Variants in TMEM242 observed in about 807,000 individuals in gnomAD.
TMEM242 encodes the protein transmembrane protein 242.
In TMEM242, 10 loss-of-function variants were observed where a neutral mutation model predicts 18.2. The observed-to-expected ratio is 0.55, with a 90% CI of 0.34 to 0.93. TMEM242 has a LOEUF of 0.93. Ranked by LOEUF, TMEM242 falls within the 40% of genes least tolerant of loss-of-function variation. The probability of loss-of-function intolerance (pLI) is 0.02; values close to 1 mark genes in which losing one functional copy is unlikely to be tolerated. For synonymous variants in TMEM242, 57 were observed against 69.9 expected (o/e 0.81, Z 0.92); for missense variants, 186 against 175.5 (o/e 1.06, Z -0.34).
At chr6:157,323,014 G>A (rs1778520163) in intron 1 of TMEM242, among the ~76,000 whole-genome samples, 1 of 152,126 alleles carries the variant, frequency 6.6e-6, no homozygotes. Flanking sequence ...CTGGTTCCTT[G>A]GGTCATTCCG....
Position 157,312,570 on chromosome 6 carries a change from G to T in TMEM242, c.327+6212C>A, listed in dbSNP as rs1272197372. Among the ~76,000 whole-genome samples the T allele has an allele frequency of 7.3e-3, 64 of 8,716 alleles. 2 individuals are homozygous for T. Among genetic ancestry groups the T allele is most frequent in the African/African-American group, 0.022 (58 of 2,590 alleles). The allele number at this position is 8,716 out of a possible 152,430, so 5.7% of individuals were successfully genotyped here. A position where few individuals can be genotyped will look rare whatever the true frequency, so the allele number is the denominator to read the frequency against. ...GCCTCATCATAGTGCCCCAGTGTACGCTCACCCGGCCTCATCATAGTGCCG... is the reference window on the plus strand; with the variant it reads ...GCCTCATCATAGTGCCCCAGTGTACTCTCACCCGGCCTCATCATAGTGCCG... On this transcript the variant is annotated intron_variant, in intron 3 of 3. Coordinates refer to ENST00000400788, the MANE Select transcript of TMEM242 (RefSeq NM_018452.6).
At chr6:157,312,467 C>T (rs1778189658) in intron 3 of TMEM242, among the ~76,000 whole-genome samples, 3 of 107,824 alleles carry the variant, frequency 2.8e-5, no homozygotes, top group African/African-American at 7.2e-5. Context: ...CCCCAGCGTG[C>T]ACTCACCTAG....
At chr6:157,314,690 T>C (rs782327750) in intron 3 of TMEM242, among the ~76,000 whole-genome samples, 9 of 152,228 alleles carry the variant, frequency 5.9e-5, no homozygotes, top group Non-Finnish European at 8.8e-5. Flanking sequence ...TCTGGTTAAA[T>C]GATATAACAG....
chr6:157,314,291 G>A (rs62422775), intron 3 of TMEM242, among the ~76,000 whole-genome samples: 1 of 88,938 alleles, frequency 1.1e-5, no homozygotes, highest in South Asian at 3.4e-4. Context: ...TCATAGTGTC[G>A]CAGTGTGCAC....
intron 3 of TMEM242, among the ~76,000 whole-genome samples, chr6:157,294,956 C>G (rs1230415422): frequency 6.6e-6 from 1 of 152,164 alleles, no homozygotes; most frequent in African/African-American, 2.4e-5. Flanking sequence ...GGATTAAGGA[C>G]TAAGTGAGAT....
chr6:157,299,000 T>G, intron 3 of TMEM242: 1 of 268,482 alleles, frequency 3.7e-6, no homozygotes, highest in South Asian at 5.0e-5. Context: ...TAACCCTATA[T>G]CTATGATCTC....
intron 2 of TMEM242, among the ~76,000 whole-genome samples, chr6:157,321,877 T>C (rs1476496662): frequency 6.6e-6 from 1 of 152,150 alleles, no homozygotes. Flanking sequence ...AAACATTCTA[T>C]AACATAGAGA....
Position 157,322,734 on chromosome 6 carries a change from T to C in TMEM242, c.160A>G (p.Lys54Glu), listed in dbSNP as rs1554250818. ...AGFITTLSLAKKKSPEWFNKG... is the reference protein window; with the variant it reads ...AGFITTLSLAEKKSPEWFNKG... ...TTGAACCATTCAGGGCTTTTCTTTT[T>C]AGCCAATGATAATGTTGTAATAAAT... Residue 54 changes from lysine to glutamate, a missense_variant, in exon 2 of 4, where the codon AAA becomes GAA. Lys to Glu is a moderately conservative substitution (Grantham distance 56). Coordinates refer to ENST00000400788, the MANE Select transcript of TMEM242 (RefSeq NM_018452.6). 2.5e-6 allele frequency: 4 copies of C among 1,613,970 alleles called. No homozygotes were observed. The highest frequency in any genetic ancestry group is 2.7e-5 in the African/African-American group (2 of 75,046).
At chr6:157,323,267 G>C in intron 1 of TMEM242, 145 bp downstream of exon 1, 1 of 905,242 alleles carries the variant, frequency 1.1e-6, no homozygotes, top group Non-Finnish European at 1.7e-6. Context: ...TCCCTGGGCC[G>C]CCAGACTCCG....
intron 3 of TMEM242, among the ~76,000 whole-genome samples, chr6:157,313,891 G>C (rs201591627): frequency 2.0e-5 from 3 of 147,076 alleles, no homozygotes; most frequent in East Asian, 2.1e-4. Context: ...GTGCCCCAGT[G>C]TGCGCTCACC....
chr6:157,304,406 A>C (rs1453978595), intron 3 of TMEM242, among the ~76,000 whole-genome samples: 1 of 131,312 alleles, frequency 7.6e-6, no homozygotes, highest in African/African-American at 2.9e-5. Context: ...CAGAGGTTTC[A>C]GTGAGCCAAG....
Position 157,305,221 on chromosome 6 carries a change from G to A in TMEM242, c.328-12222C>T, listed in dbSNP as rs1184053505. On this transcript the variant is annotated intron_variant, in intron 3 of 3. Coordinates refer to ENST00000400788, the MANE Select transcript of TMEM242 (RefSeq NM_018452.6). This position sits in a 1 kb window ranked among gnomAD's most constrained non-coding sequence, Gnocchi z 4.1. ...AGAGGAATGGATGTGGAGAGATGAA[G>A]GAGGCAGGCGGTGTTCAGCGGCAGA... 6.6e-6 allele frequency among the ~76,000 whole-genome samples: 1 copy of A among 152,140 alleles called. No homozygotes were observed. The highest frequency in any genetic ancestry group is 1.9e-4 in the East Asian group (1 of 5,196).
rs201491283 is a variant in TMEM242 at position 157,323,484 on chromosome 6, C to T, written c.16G>A (p.Ala6Thr). The stretch of plus-strand genomic sequence containing the variant: ...CCAGAGGCCGGCTGCCCAGTTGCAG[C>T]GCCCGCTGTCTCCATGTTTAGGTCG... Reference protein sequence around the residue: METAGAATGQPASGLE... With the variant: METAGTATGQPASGLE... The change falls in exon 1 of 4, where the codon GCT becomes ACT. Residue 6 changes from alanine to threonine, a missense_variant. Physicochemically the swap from Ala to Thr is moderately conservative, Grantham distance 58. Coordinates refer to ENST00000400788, the MANE Select transcript of TMEM242 (RefSeq NM_018452.6). 4.6e-4 allele frequency: 737 copies of T among 1,613,740 alleles called. 1 individual carries two copies. The highest frequency in any genetic ancestry group is 5.8e-4 in the Non-Finnish European group (684 of 1,179,888).
At chr6:157,299,142 A>T in intron 3 of TMEM242, 2 of 172,730 alleles carry the variant, frequency 1.2e-5, no homozygotes. Context: ...GACACAAGGA[A>T]TATTGAGGAA....
At chr6:157,310,991 AACCTAGCCTCCC>A (rs1778035573) in intron 3 of TMEM242, among the ~76,000 whole-genome samples, 1 of 29,754 alleles carries the variant, frequency 3.4e-5, no homozygotes, top group African/African-American at 1.9e-4. Flanking sequence ...AGTATGCGCT[AACCTAGCCTCCC>A]CAGTGTGCAG....
In TMEM242 at chr6:157,295,895, G is replaced by C. The variant is rs192899673; in HGVS notation, c.328-2896C>G. On this transcript the variant is annotated intron_variant, in intron 3 of 3. Coordinates refer to ENST00000400788, the MANE Select transcript of TMEM242 (RefSeq NM_018452.6). ...TAAGATATAAACAGGGCCTCAAGTG[G>C]CTTTAGAGAATGGGCTCCACAGAAG... 5.1e-4 allele frequency among the ~76,000 whole-genome samples: 78 copies of C among 152,250 alleles called. 1 individual carries two copies. The highest frequency in any genetic ancestry group is 1.8e-3 in the African/African-American group (75 of 41,558).
At chr6:157,314,362 G>GTGTGTGCT (rs1778343810) in intron 3 of TMEM242, among the ~76,000 whole-genome samples, 1 of 149,512 alleles carries the variant, frequency 6.7e-6, no homozygotes, top group African/African-American at 2.5e-5. Context: ...TAGTGTCCCA[G>GTGTGTGCT]CATGCATTCC....
chr6:157,323,329 G>A, intron 1 of TMEM242, 83 bp downstream of exon 1: 3 of 1,428,056 alleles, frequency 2.1e-6, no homozygotes, highest in Admixed American at 1.8e-5. Flanking sequence ...AGCGGGATGT[G>A]TGTGGGAATG....
Position 157,292,880 on chromosome 6 carries a change from T to G in TMEM242, c.*21A>C. The G allele has an allele frequency of 2.5e-6, 4 of 1,588,274 alleles. No individual in the cohort carries two copies. The highest frequency in any genetic ancestry group is 3.5e-6 in the Non-Finnish European group (4 of 1,157,320). On this transcript the variant is annotated 3_prime_UTR_variant, in exon 4 of 4. Coordinates refer to ENST00000400788, the MANE Select transcript of TMEM242 (RefSeq NM_018452.6). ...CCACCCCTTTCTGTAACAAGCATTT[T>G]GAAATTCATCCATGCTCATCTCATT...
Sources: allele counts gnomAD v4.1 joint callset (sites outside exome capture counted in the v4.1 genomes callset), GRCh38; gene constraint gnomAD v4.1.1; non-coding constraint Gnocchi (gnomAD v3.1); transcripts MANE v1.5; gene names NCBI Gene and HGNC (gene_info 2026-07-23, HGNC 2026-07-21).